The following CSMD1 variants were observed in gnomAD, a reference collection of about 807,000 sequenced individuals.
CSMD1 encodes CUB and sushi domain-containing protein 1.
CSMD1 carries 213 observed loss-of-function variants against 417.5 expected under a neutral mutation model. The observed-to-expected ratio is 0.51, with a 90% CI of 0.46 to 0.57. CSMD1 has a LOEUF of 0.57. Ranked by LOEUF, CSMD1 falls within the 20% of genes least tolerant of loss-of-function variation. The pLI is 0.00. For missense variants in CSMD1, 6,923 were observed against 4,529.7 expected (o/e 1.53, Z -15.17); for synonymous variants, 2,862 against 1,736.8 (o/e 1.65, Z -16.11).
At chr8:4,961,922 T>C (rs1028484729) in intron 1 of CSMD1, among the ~76,000 whole-genome samples, 1 of 152,086 alleles carries the variant, frequency 6.6e-6, no homozygotes, top group African/African-American at 2.4e-5. Context: ...TCTATTATTT[T>C]ATTCAGTTAT....
chr8:4,247,330 C>T (rs902985853), intron 3 of CSMD1, among the ~76,000 whole-genome samples: 3 of 152,134 alleles, frequency 2.0e-5, no homozygotes, highest in South Asian at 4.1e-4. Flanking sequence ...CCCTGTCATA[C>T]CACATAGAGT....
chr8:3,367,015 A>G lies in CSMD1; in HGVS notation c.3115+17T>C. On this transcript the variant is annotated intron_variant, in intron 20 of 69. Coordinates refer to ENST00000635120, the MANE Select transcript of CSMD1 (RefSeq NM_033225.6). ...ATTGTTGCCAGAGGAGAGAAACAGC[A>G]AACAAGACCAACATACCTGAAAATG... 1 of 1,598,220 alleles carries G rather than the reference A, an allele frequency of 6.3e-7. No homozygotes were observed. The highest frequency in any genetic ancestry group is 8.6e-7 in the Non-Finnish European group (1 of 1,166,910).
At chr8:3,929,646 A>G (rs2688282) in intron 5 of CSMD1, among the ~76,000 whole-genome samples, 17,357 of 146,688 alleles carry the variant, frequency 0.12, 3,750 homozygotes, top group African/African-American at 0.4. Flanking sequence ...TTCAAAACAT[A>G]TTTGTATGAA....
chr8:2,981,310 A>G (rs1224704663), intron 54 of CSMD1, among the ~76,000 whole-genome samples: 1 of 152,192 alleles, frequency 6.6e-6, no homozygotes, highest in African/African-American at 2.4e-5. Context: ...CTATCCAGGG[A>G]TCTGATGGAA....
At chr8:3,637,762 G>C (rs1056633950) in intron 7 of CSMD1, among the ~76,000 whole-genome samples, 1 of 152,136 alleles carries the variant, frequency 6.6e-6, no homozygotes, top group Non-Finnish European at 1.5e-5. Context: ...ATCTTGAATT[G>C]TAGCTCCCAT....
At chr8:4,592,063 G>C (rs1010476815) in intron 2 of CSMD1, among the ~76,000 whole-genome samples, 1 of 152,092 alleles carries the variant, frequency 6.6e-6, no homozygotes, top group African/African-American at 2.4e-5. Flanking sequence ...TGAGGTACCG[G>C]AGGGACGTCT....
At position 4,555,195 on chromosome 8, in the gene CSMD1, G is replaced by C. The variant is rs536183012; in HGVS notation, c.302+82147C>G. Reference sequence around the variant, plus strand: ...TCTGACTTCAGATGGCAGATTGGTAGGAATAAGAATGAATGCAGGAAGACC... The same window carrying C: ...TCTGACTTCAGATGGCAGATTGGTACGAATAAGAATGAATGCAGGAAGACC... On this transcript the variant is annotated intron_variant, in intron 2 of 69. Coordinates refer to ENST00000635120, the MANE Select transcript of CSMD1 (RefSeq NM_033225.6). 3.3e-5 allele frequency among the ~76,000 whole-genome samples: 5 copies of C among 152,294 alleles called. No homozygotes were observed. The East Asian group carries it at 5.8e-4, about 18-fold the overall frequency.
At chr8:3,285,059 T>C (rs1803044530) in intron 25 of CSMD1, among the ~76,000 whole-genome samples, 1 of 152,202 alleles carries the variant, frequency 6.6e-6, no homozygotes, top group South Asian at 2.1e-4. Context: ...TTAGGGCCAT[T>C]GAAGCAAGAA....
intron 10 of CSMD1, among the ~76,000 whole-genome samples, chr8:3,548,237 C>G (rs557349116): frequency 7.2e-4 from 110 of 152,276 alleles, no homozygotes; most frequent in African/African-American, 2.4e-3. Flanking sequence ...TCTCAGTGCC[C>G]AGTTCTGCCC....
chr8:4,263,383 C>A (rs865854712), intron 3 of CSMD1, among the ~76,000 whole-genome samples: 1 of 152,182 alleles, frequency 6.6e-6, no homozygotes, highest in Non-Finnish European at 1.5e-5. Context: ...AAATAAAAAA[C>A]CTGCTTTGAC....
chr8:3,904,768 C>G (rs1433709667), intron 5 of CSMD1, among the ~76,000 whole-genome samples: 1 of 151,870 alleles, frequency 6.6e-6, no homozygotes, highest in African/African-American at 2.4e-5. Context: ...TCCCAAGTAG[C>G]TGAGATTACA....
At chr8:3,215,278 G>A (rs1183451732) in intron 29 of CSMD1, among the ~76,000 whole-genome samples, 1 of 152,196 alleles carries the variant, frequency 6.6e-6, no homozygotes, top group Admixed American at 6.5e-5. Flanking sequence ...TCTTAATAGA[G>A]TAAACGTCAA....
At chr8:4,677,837 G>C (rs74603692) in intron 1 of CSMD1, among the ~76,000 whole-genome samples, 2,420 of 152,260 alleles carry the variant, frequency 0.016, 66 homozygotes, top group African/African-American at 0.056. Flanking sequence ...GGATGGAGGA[G>C]AAACGAAGCT....
intron 2 of CSMD1, among the ~76,000 whole-genome samples, chr8:4,537,464 G>C (rs1286105955): frequency 6.6e-6 from 1 of 152,012 alleles, no homozygotes; most frequent in Non-Finnish European, 1.5e-5. Context: ...ATTACTAATT[G>C]CTATAAGGCT....
chr8:3,670,533 C>G (rs866782830), intron 7 of CSMD1, among the ~76,000 whole-genome samples: 1 of 91,900 alleles, frequency 1.1e-5, no homozygotes, highest in Non-Finnish European at 2.7e-5. Flanking sequence ...ATACATATAT[C>G]CCATATACAT....
intron 1 of CSMD1, among the ~76,000 whole-genome samples, chr8:4,800,610 G>A (rs761562151): frequency 1.3e-5 from 2 of 152,326 alleles, no homozygotes; most frequent in Middle Eastern, 3.4e-3. Context: ...TAGCAAAGGG[G>A]TAGAGTCACA....
chr8:4,693,770 A>C (rs1564178), intron 1 of CSMD1, among the ~76,000 whole-genome samples: 99,905 of 151,504 alleles, frequency 0.66, 33,449 homozygotes, highest in African/African-American at 0.76. Context: ...CCAAATTCCT[A>C]GGCTCAAGCC....
At chr8:3,746,158 C>T (rs1484793864) in intron 6 of CSMD1, among the ~76,000 whole-genome samples, 1 of 152,194 alleles carries the variant, frequency 6.6e-6, no homozygotes, top group East Asian at 1.9e-4. Context: ...AGAATAAGAG[C>T]AGCTCAGGGC....
At chr8:4,682,304 T>C (rs572912791) in intron 1 of CSMD1, among the ~76,000 whole-genome samples, 83 of 152,286 alleles carry the variant, frequency 5.5e-4, no homozygotes, top group African/African-American at 1.8e-3. Context: ...GTTCTAGGAA[T>C]ACAAGCACAA....
Sources: gnomAD v4.1 joint callset for allele counts (sites outside exome capture counted in the v4.1 genomes callset) on GRCh38, gnomAD v4.1.1 for gene constraint, MANE v1.5 for transcripts, NCBI Gene and HGNC (gene_info 2026-07-23, HGNC 2026-07-21) for gene names.